The following PHTF1 variants were observed in gnomAD, a reference collection of about 807,000 sequenced individuals.
The protein encoded by PHTF1 is putative homeodomain transcription factor 1, also known as protein PHTF1.
In PHTF1, 88 loss-of-function variants were observed where a neutral mutation model predicts 102.4. The observed-to-expected ratio is 0.86, with a 90% CI of 0.72 to 1.03. The LOEUF is 1.03. PHTF1 is among the 50% of genes least tolerant of loss of function. PHTF1 has a pLI of 0.00. For synonymous variants in PHTF1, 289 were observed against 305.2 expected (o/e 0.95, Z 0.55); for missense variants, 814 against 909.5 (o/e 0.89, Z 1.35).
intron 5 of PHTF1, among the ~76,000 whole-genome samples, chr1:113,736,637 C>T (rs1472522397): frequency 1.3e-5 from 2 of 151,978 alleles, no homozygotes; most frequent in Non-Finnish European, 2.9e-5. Context: ...CCCAGCTACT[C>T]GGGAGGTTGA....
intron 5 of PHTF1, among the ~76,000 whole-genome samples, chr1:113,727,300 C>T (rs900936149): frequency 2.0e-5 from 3 of 152,108 alleles, no homozygotes; most frequent in Non-Finnish European, 1.5e-5. Flanking sequence ...ATCTTGTTGA[C>T]TTGAGAATGT....
chr1:113,705,888 A>T lies in PHTF1; in HGVS notation c.1671+2T>A. 6.2e-7 allele frequency: 1 copy of T among 1,610,890 alleles called. No individual in the cohort carries two copies. Among genetic ancestry groups the T allele is most frequent in the Non-Finnish European group, 8.5e-7 (1 of 1,178,856 alleles). On this transcript the variant is annotated splice_donor_variant, in intron 13 of 18. Transcript: ENST00000369604. LOFTEE classifies it high-confidence loss of function. Reference sequence around the variant, plus strand: ...AAAAATTTTCCTTATTTCTCCACTGACCTGTTTATATGTTCTCTCTGCCAC... The same window carrying T: ...AAAAATTTTCCTTATTTCTCCACTGTCCTGTTTATATGTTCTCTCTGCCAC...
chr1:113,721,937 G>A (rs1289323822), intron 7 of PHTF1, among the ~76,000 whole-genome samples: 7 of 151,206 alleles, frequency 4.6e-5, no homozygotes, highest in South Asian at 2.1e-4. Flanking sequence ...CTCGTGATCC[G>A]CCCGCCTTGG....
chr1:113,740,292 CG>C (rs1191581675), intron 3 of PHTF1, among the ~76,000 whole-genome samples: 1 of 151,736 alleles, frequency 6.6e-6, no homozygotes, highest in African/African-American at 2.4e-5. Context: ...TATCTCATTG[CG>C]GTTTTGATTT....
chr1:113,747,654 T>C (rs1657441418), intron 3 of PHTF1, among the ~76,000 whole-genome samples: 1 of 152,240 alleles, frequency 6.6e-6, no homozygotes. Context: ...GTATGGGATA[T>C]GAATTTTGAG....
intron 7 of PHTF1, among the ~76,000 whole-genome samples, chr1:113,719,438 C>T (rs1448905339): frequency 7.9e-5 from 12 of 152,238 alleles, no homozygotes; most frequent in Non-Finnish European, 8.8e-5. Context: ...AAATTTTTTC[C>T]GCCAGATACC....
At chr1:113,713,203 A>T in intron 8 of PHTF1, 76 bp downstream of exon 8, 1 of 1,314,482 alleles carries the variant, frequency 7.6e-7, no homozygotes. Context: ...TACCTATTTT[A>T]TATCTCTAAC....
intron 7 of PHTF1, among the ~76,000 whole-genome samples, chr1:113,721,699 CTT>C (rs546788470): frequency 6.6e-6 from 1 of 151,878 alleles, no homozygotes; most frequent in African/African-American, 2.4e-5. Flanking sequence ...AATAGCATTT[CTT>C]TTTTTTGAGA....
At chr1:113,699,399 C>G in intron 17 of PHTF1, 1 of 509,746 alleles carries the variant, frequency 2.0e-6, no homozygotes, top group East Asian at 4.5e-5. Context: ...TGCCTTGAAC[C>G]TGGTCCTTGA....
At chr1:113,720,909 A>G (rs901083515) in intron 7 of PHTF1, among the ~76,000 whole-genome samples, 1 of 152,160 alleles carries the variant, frequency 6.6e-6, no homozygotes, top group Non-Finnish European at 1.5e-5. Context: ...CTCAAATCTC[A>G]ATACTTGACT....
chr1:113,732,600 G>A (rs1654833388), intron 5 of PHTF1, among the ~76,000 whole-genome samples: 1 of 152,108 alleles, frequency 6.6e-6, no homozygotes, highest in Non-Finnish European at 1.5e-5. Flanking sequence ...GAAATTAATG[G>A]TACAGAGTAT....
chr1:113,753,104 T>A (rs1658333284), intron 3 of PHTF1, among the ~76,000 whole-genome samples: 1 of 152,252 alleles, frequency 6.6e-6, no homozygotes, highest in Non-Finnish European at 1.5e-5. Context: ...AATTAATGCA[T>A]TCCCAGGATA....
chr1:113,758,925 A>C, intron 1 of PHTF1, 98 bp downstream of exon 1: 1 of 1,130,572 alleles, frequency 8.8e-7, no homozygotes, highest in Non-Finnish European at 1.1e-6. Flanking sequence ...TCTGCAATAT[A>C]TCGGGCGAGC....
chr1:113,705,659 GGCTAAGCCACTTATT>G (rs1191830709), intron 13 of PHTF1: 1 of 450,810 alleles, frequency 2.2e-6, no homozygotes, highest in Non-Finnish European at 4.0e-6. Flanking sequence ...CTCACTCACT[GGCTAAGCCACTTATT>G]CTACACATGA....
intron 5 of PHTF1, among the ~76,000 whole-genome samples, chr1:113,731,189 A>C (rs1275745768): frequency 6.6e-6 from 1 of 152,128 alleles, no homozygotes; most frequent in Non-Finnish European, 1.5e-5. Context: ...TACCACAATA[A>C]AAAAAATTGA....
In PHTF1 at chr1:113,697,678, A is replaced by G. The variant is rs1339895168; in HGVS notation, c.*27T>C. ...TGATAGGTAAGTTTTGATACCAGCC[A>G]GGGGAGAGTCCAGGCATTTACTCAG... On this transcript the variant is annotated 3_prime_UTR_variant, in exon 19 of 19. Coordinates refer to ENST00000369604, the MANE Select transcript of PHTF1 (RefSeq NM_001323043.2). 25 of 1,508,554 alleles carry G rather than the reference A, an allele frequency of 1.7e-5. No individual in the cohort carries two copies. Among genetic ancestry groups the G allele is most frequent in the Non-Finnish European group, 2.2e-5 (24 of 1,109,010 alleles). The allele number at this position is 1,508,554 out of a possible 1,614,324, so 93.4% of individuals were successfully genotyped here.
At chr1:113,718,886 A>G (rs992884581) in intron 7 of PHTF1, among the ~76,000 whole-genome samples, 1 of 152,194 alleles carries the variant, frequency 6.6e-6, no homozygotes, top group African/African-American at 2.4e-5. Context: ...AGTGTCTGAC[A>G]TGTCCTGGAA....
At chr1:113,706,526 T>C in intron 12 of PHTF1, 68 bp downstream of exon 12, 1 of 1,285,320 alleles carries the variant, frequency 7.8e-7, no homozygotes, top group Non-Finnish European at 1.1e-6. Flanking sequence ...CACTAAGAGA[T>C]TCTTATAAAA....
rs1403343882 is a variant in PHTF1, at chr1:113,712,062, C to T, written c.835G>A (p.Glu279Lys). ...ATCTGTGTCCGTGCTTCACCATCTT[C>T]TTCACTTGACAGGTCATCAGACACC... ...NGVSDDLSSE[E>K]DGEARTQMIL... The change falls in exon 9 of 19, where the codon GAA becomes AAA. Residue 279 changes from glutamate to lysine, a missense_variant. Transcript: ENST00000369604. 1 of 1,614,100 alleles carries T rather than the reference C, an allele frequency of 6.2e-7. No homozygotes were observed. Among genetic ancestry groups the T allele is most frequent in the South Asian group, 1.1e-5 (1 of 91,078 alleles).
Sources: allele counts gnomAD v4.1 joint callset (sites outside exome capture counted in the v4.1 genomes callset), GRCh38; gene constraint gnomAD v4.1.1; transcripts MANE v1.5; gene names NCBI Gene and HGNC (gene_info 2026-07-23, HGNC 2026-07-21).